Variants in PPP6R2 observed in about 807,000 individuals in gnomAD.
PPP6R2 encodes serine/threonine-protein phosphatase 6 regulatory subunit 2.
In PPP6R2, 62 loss-of-function variants were observed where a neutral mutation model predicts 100.2. That is an observed-to-expected ratio of 0.62 (90% CI 0.50 to 0.76). The LOEUF (loss-of-function observed/expected upper bound fraction) is 0.76. Ranked by LOEUF, PPP6R2 falls within the 30% of genes least tolerant of loss-of-function variation. PPP6R2 has a pLI of 0.00. For missense variants in PPP6R2, 1,142 were observed against 1,276.3 expected (o/e 0.89, Z 1.60); for synonymous variants, 525 against 514.7 (o/e 1.02, Z -0.27).
chr22:50,368,847 A>ACG (rs2049334044), intron 1 of PPP6R2, among the ~76,000 whole-genome samples: 1 of 152,038 alleles, frequency 6.6e-6, no homozygotes, highest in African/African-American at 2.4e-5. Context: ...TTAGGGACAC[A>ACG]CACATTCTTC....
At chr22:50,429,175 C>T (rs529488169) in intron 10 of PPP6R2, among the ~76,000 whole-genome samples, 3 of 152,188 alleles carry the variant, frequency 2.0e-5, no homozygotes, top group Admixed American at 6.5e-5. Flanking sequence ...GGATTACAGG[C>T]GTGTGCCACC....
chr22:50,402,573 G>A (rs2058230861), intron 3 of PPP6R2, among the ~76,000 whole-genome samples: 1 of 152,130 alleles, frequency 6.6e-6, no homozygotes, highest in Admixed American at 6.6e-5. Flanking sequence ...CTGAAACTCA[G>A]CCTTCCCTGT....
chr22:50,360,871 G>A (rs888695250), intron 1 of PPP6R2, among the ~76,000 whole-genome samples: 25 of 152,178 alleles, frequency 1.6e-4, no homozygotes, highest in African/African-American at 3.6e-4. Flanking sequence ...TCTGCTAGAC[G>A]TCAGGTTCCT....
At chr22:50,419,260 G>T in intron 7 of PPP6R2, 89 bp from the exon 8 acceptor site, 1 of 1,162,302 alleles carries the variant, frequency 8.6e-7, no homozygotes, top group East Asian at 2.5e-5. Context: ...GGTTTTGCTG[G>T]GGTCCTCCAC....
At chr22:50,334,950 C>CA in the PPP6R2 span, among the ~76,000 whole-genome samples, 2 of 151,742 alleles carry the variant, frequency 1.3e-5, no homozygotes, top group African/African-American at 2.4e-5. Flanking sequence ...GACTCTGTGT[C>CA]AAAAAACAAA....
intron 3 of PPP6R2, among the ~76,000 whole-genome samples, chr22:50,404,588 C>T (rs2058548289): frequency 1.4e-5 from 2 of 145,392 alleles, no homozygotes; most frequent in South Asian, 2.2e-4. Flanking sequence ...GCTAATTTTT[C>T]TTTCTTTCTT....
upstream of PPP6R2, among the ~76,000 whole-genome samples, chr22:50,342,913 G>A (rs1305839082): frequency 6.6e-6 from 1 of 152,148 alleles, no homozygotes; most frequent in South Asian, 2.1e-4. Flanking sequence ...ACGCCCCGCG[G>A]CCTCTGGGAG....
In PPP6R2 at chr22:50,406,802, C is replaced by T. The variant is rs550603081; in HGVS notation, c.341C>T (p.Pro114Leu). The part of the protein sequence containing the change: ...SLLYDFLDHE[P>L]PLNPLLASFF... ...CTGTACGACTTCTTGGACCATGAGC[C>T]GCCTCTCAATCCTCTGCTCGCCAGT... The change falls in exon 4 of 24, where the codon CCG becomes CTG. Residue 114 changes from proline (P) to leucine (L), a missense_variant. Physicochemically the swap from Pro to Leu is moderately conservative, Grantham distance 98. This residue lies in a region of PPP6R2 where 592 missense variants were observed against 758.9 expected (regional missense o/e 0.78). Coordinates refer to ENST00000612753, the MANE Select transcript of PPP6R2 (RefSeq NM_001242898.2). The T allele has an allele frequency of 4.3e-6, 7 of 1,614,086 alleles. No individual in the cohort carries two copies. Among genetic ancestry groups the T allele is most frequent in the African/African-American group, 1.3e-5 (1 of 75,018 alleles).
intron 2 of PPP6R2, among the ~76,000 whole-genome samples, chr22:50,382,372 GC>G (rs1424498858): frequency 3.9e-5 from 6 of 152,162 alleles, no homozygotes; most frequent in African/African-American, 1.4e-4. Flanking sequence ...GCTAAGGCGG[GC>G]GGATCACAAG....
In PPP6R2 at chr22:50,406,855, A is replaced by G; in HGVS notation, c.394A>G (p.Ile132Val). 2 of 1,611,046 alleles carry G rather than the reference A, an allele frequency of 1.2e-6. No individual in the cohort carries two copies. The highest frequency in any genetic ancestry group is 1.7e-4 in the Middle Eastern group (1 of 6,058). The stretch of plus-strand genomic sequence containing the variant: ...TTTCAGCAAGACCATTGGCAATCTC[A>G]TTGCAAGAAAAACCGAACAGGTAAA... ...SFFSKTIGNL[I>V]ARKTEQVITF... Residue 132 changes from isoleucine (I) to valine (V), a missense_variant, in exon 4 of 24, where the codon ATT becomes GTT. Around this residue, in one of 2 missense-constraint regions of PPP6R2, gnomAD observed 592 missense variants for 758.9 expected, o/e 0.78. Transcript: ENST00000612753.
chr22:50,398,303 C>G (rs2057441648), intron 3 of PPP6R2, among the ~76,000 whole-genome samples: 1 of 151,226 alleles, frequency 6.6e-6, no homozygotes, highest in Admixed American at 6.6e-5. Context: ...TCCCGAGTTG[C>G]TGGGATTACA....
intron 2 of PPP6R2, among the ~76,000 whole-genome samples, chr22:50,380,570 G>A (rs926158948): frequency 8.3e-5 from 12 of 144,976 alleles, no homozygotes; most frequent in Admixed American, 1.4e-4. Context: ...TACGTTGGCC[G>A]GGCTGATCTC....
At position 50,444,305 on chromosome 22, in the gene PPP6R2, A is replaced by G; in HGVS notation, c.*58A>G. ...TCAGGCTGCCTCCTTAATCGAGAAAACTACCTGGTGATGCAATCTTTTTTT... is the reference window on the plus strand; with the variant it reads ...TCAGGCTGCCTCCTTAATCGAGAAAGCTACCTGGTGATGCAATCTTTTTTT... On this transcript the variant is annotated 3_prime_UTR_variant, in exon 24 of 24. Coordinates refer to ENST00000612753, the MANE Select transcript of PPP6R2 (RefSeq NM_001242898.2). 1.9e-6 allele frequency: 3 copies of G among 1,545,098 alleles called. No homozygotes were observed. The highest frequency in any genetic ancestry group is 2.6e-6 in the Non-Finnish European group (3 of 1,140,550).
At chr22:50,407,037 G>A (rs2059058430) in intron 4 of PPP6R2, among the ~76,000 whole-genome samples, 162 bp downstream of exon 4, 1 of 152,116 alleles carries the variant, frequency 6.6e-6, no homozygotes, top group Admixed American at 6.6e-5. Context: ...TTGCCAGTCT[G>A]GGAGCTGGAA....
chr22:50,396,224 T>C (rs940703518), intron 3 of PPP6R2, among the ~76,000 whole-genome samples: 58 of 121,326 alleles, frequency 4.8e-4, no homozygotes, highest in African/African-American at 1.3e-3. Flanking sequence ...AAGCCGGGTG[T>C]GGTGGCTCAC....
In PPP6R2 at chr22:50,434,986, G is replaced by A. The variant is rs114588174; in HGVS notation, c.1421G>A (p.Arg474His). 13,045 of 1,605,710 alleles carry A rather than the reference G, an allele frequency of 8.1e-3. 77 individuals are homozygous for A. The highest frequency in any genetic ancestry group is 0.01 in the Non-Finnish European group (11,899 of 1,177,356). The change falls in exon 13 of 24, where the codon CGT becomes CAT. Residue 474 changes from arginine to histidine, a missense_variant. Coordinates refer to ENST00000612753, the MANE Select transcript of PPP6R2 (RefSeq NM_001242898.2). ...TTCAGGGCAGCGGGTGGCATGAGAC[G>A]TGGGAACATGGGCCACCTCACACGG... ...DHTQAAGGMR[R>H]GNMGHLTRIA...
intron 1 of PPP6R2, among the ~76,000 whole-genome samples, chr22:50,351,230 G>T (rs2045152325): frequency 7.1e-6 from 1 of 141,618 alleles, no homozygotes; most frequent in Non-Finnish European, 1.5e-5. Flanking sequence ...AGTAGAGATG[G>T]TGTTTCACCA....
At position 50,382,023 on chromosome 22, in the gene PPP6R2, C is replaced by T. The variant is rs1423633222; in HGVS notation, c.-17+9873C>T. The stretch of plus-strand genomic sequence containing the variant: ...GGAAAAGCTGCAACAATTTTTTTAG[C>T]AACCATTAACTAAATGATAATATAT... On this transcript the variant is annotated intron_variant, in intron 2 of 23. Coordinates refer to ENST00000612753, the MANE Select transcript of PPP6R2 (RefSeq NM_001242898.2). Among the ~76,000 whole-genome samples the T allele has an allele frequency of 2.6e-5, 4 of 151,902 alleles. No individual in the cohort carries two copies. In the East Asian group the frequency reaches 7.7e-4, roughly 29 times the overall value.
the PPP6R2 span, among the ~76,000 whole-genome samples, chr22:50,337,094 G>T: frequency 6.7e-6 from 1 of 150,336 alleles, no homozygotes; most frequent in Non-Finnish European, 1.5e-5. Flanking sequence ...AAGCAGGGAA[G>T]GTGGTGATGA....
Sources: allele counts gnomAD v4.1 joint callset (sites outside exome capture counted in the v4.1 genomes callset), GRCh38; gene constraint gnomAD v4.1.1; regional missense constraint gnomAD v4.1.1; transcripts MANE v1.5; gene names NCBI Gene and HGNC (gene_info 2026-07-23, HGNC 2026-07-21).